PHYHIP: variants seen among roughly 807,000 people sequenced by gnomAD.
PHYHIP encodes phytanoyl-CoA hydroxylase-interacting protein.
A neutral mutation model predicts 26.1 loss-of-function variants in PHYHIP; 7 were observed. The ratio of observed to expected loss-of-function variants is 0.27; its 90% CI spans 0.15 to 0.50. The LOEUF (loss-of-function observed/expected upper bound fraction) is 0.50, where lower values mean the gene tolerates loss of function less well. Ranked by LOEUF, PHYHIP falls within the 20% of genes least tolerant of loss-of-function variation. The pLI, the probability that PHYHIP is intolerant of heterozygous loss-of-function variation, is 0.98. For missense variants in PHYHIP, 232 were observed against 454.7 expected (o/e 0.51, Z 4.45); for synonymous variants, 206 against 183.4 (o/e 1.12, Z -1.00).
At chr8:22,224,010 A>G (rs1259033947) in intron 4 of PHYHIP, 8 of 540,640 alleles carry the variant, frequency 1.5e-5, no homozygotes, top group East Asian at 3.2e-5. Flanking sequence ...ACTCTTGCAG[A>G]AGGCCCTGTC....
chr8:22,226,949 C>T lies in PHYHIP; in HGVS notation c.242G>A (p.Arg81His). 6.2e-7 allele frequency: 1 copy of T among 1,613,992 alleles called. No individual in the cohort carries two copies. The highest frequency in any genetic ancestry group is 8.5e-7 in the Non-Finnish European group (1 of 1,180,006). ...TVRGHWFLSP[R>H]TEYSVAVQTA... ...CTGCACGGCCACACTGTACTCCGTG[C>T]GGGGGCTCAGGAACCAGTGGCCTCT... The change falls in exon 3 of 5, where the codon CGC becomes CAC. Residue 81 changes from arginine to histidine, a missense_variant. Transcript: ENST00000454243.
chr8:22,227,717 G>C (rs1196367758), intron 2 of PHYHIP: 3 of 456,844 alleles, frequency 6.6e-6, no homozygotes, highest in Admixed American at 2.3e-5. Context: ...AGGGGCCCGA[G>C]AGGGAGAACT....
rs1336475775 is a variant in PHYHIP, at chr8:22,220,144, G to T, written c.*1209C>A. 1 of 152,552 alleles carries T rather than the reference G, an allele frequency of 6.6e-6. No individual in the cohort carries two copies. The highest frequency in any genetic ancestry group is 2.4e-5 in the African/African-American group (1 of 41,464). 9.4% of individuals were successfully genotyped at this position (152,552 alleles called of 1,614,324 possible). A position where few individuals can be genotyped will look rare whatever the true frequency, so the allele number is the denominator to read the frequency against. On this transcript the variant is annotated 3_prime_UTR_variant, in exon 5 of 5. Coordinates refer to ENST00000454243, the MANE Select transcript of PHYHIP (RefSeq NM_014759.5). ...TGTCACCTCCATCATCCCCCAAACA[G>T]CCGGCTGCTGCTGTCAGCCCCTCCC...
At chr8:22,229,823 A>G (rs1829831729) in intron 1 of PHYHIP, among the ~76,000 whole-genome samples, 2 of 152,134 alleles carry the variant, frequency 1.3e-5, no homozygotes, top group South Asian at 4.1e-4. Context: ...TCCAGCCCAC[A>G]CCTTCCTGTC....
chr8:22,224,939 ACCCTGGGGCC>A (rs1829712738), intron 3 of PHYHIP, among the ~76,000 whole-genome samples: 1 of 152,092 alleles, frequency 6.6e-6, no homozygotes, highest in South Asian at 2.1e-4. Context: ...GCAACATTGA[ACCCTGGGGCC>A]CCAGCAAGGC....
At chr8:22,228,660 G>A in intron 1 of PHYHIP, 1 of 258,816 alleles carries the variant, frequency 3.9e-6, no homozygotes, top group Non-Finnish European at 7.4e-6. Flanking sequence ...ATGCTGCAAA[G>A]CCGGGCGGGG....
At chr8:22,228,544 A>G in intron 1 of PHYHIP, 158 bp from the exon 2 acceptor site, 1 of 557,012 alleles carries the variant, frequency 1.8e-6, no homozygotes, top group Admixed American at 3.1e-5. Flanking sequence ...GAGGCTGGAG[A>G]AGGATGATGG....
chr8:22,228,284 G>T lies in PHYHIP; in HGVS notation c.74C>A (p.Ala25Asp), dbSNP rs1299983898. The change falls in exon 2 of 5, where the codon GCC (alanine) becomes GAC (aspartate). Residue 25 changes from alanine (A) to aspartate (D), a missense_variant. Transcript: ENST00000454243. ...CCTCTCCAGGTCACTGTCCTCCATGGCCCAGGAGATGCGGAAGGAGTCGCA... is the reference window on the plus strand; with the variant it reads ...CCTCTCCAGGTCACTGTCCTCCATGTCCCAGGAGATGCGGAAGGAGTCGCA... ...ITCDSFRISW[A>D]MEDSDLERVT... The T allele has an allele frequency of 6.2e-7, 1 of 1,612,590 alleles. No homozygotes were observed. The highest frequency in any genetic ancestry group is 8.5e-7 in the Non-Finnish European group (1 of 1,179,364).
chr8:22,227,512 G>C (rs900656699), intron 2 of PHYHIP: 11 of 425,148 alleles, frequency 2.6e-5, no homozygotes, highest in Non-Finnish European at 4.7e-5. Flanking sequence ...GAGAGCGGGT[G>C]AGTAACCCAC....
At chr8:22,224,427 T>C (rs985790206) in intron 3 of PHYHIP, 84 bp from the exon 4 acceptor site, 2 of 787,924 alleles carry the variant, frequency 2.5e-6, no homozygotes, top group Non-Finnish European at 2.2e-6. Context: ...CCCCACACTG[T>C]GTGTGCCGGC....
chr8:22,222,176 G>C (rs1009044037), intron 4 of PHYHIP, among the ~76,000 whole-genome samples: 1 of 152,032 alleles, frequency 6.6e-6, no homozygotes, highest in Non-Finnish European at 1.5e-5. Context: ...GGCGGCTCAT[G>C]ATCTGATCTC....
intron 3 of PHYHIP, among the ~76,000 whole-genome samples, chr8:22,226,636 G>A (rs1829750715): frequency 6.6e-6 from 1 of 152,226 alleles, no homozygotes. Context: ...GATTAGTGGG[G>A]TTCGCATTTG....
At position 22,228,190 on chromosome 8, in the gene PHYHIP, C is replaced by A. The variant is rs747358387; in HGVS notation, c.165+3G>T. The A allele has an allele frequency of 1.2e-6, 2 of 1,613,678 alleles. No individual in the cohort carries two copies. Among genetic ancestry groups the A allele is most frequent in the Admixed American group, 1.7e-5 (1 of 60,006 alleles). On this transcript the variant is annotated splice_donor_region_variant and intron_variant, in intron 2 of 4. Transcript: ENST00000454243. Reference sequence around the variant, plus strand: ...AGGGGCTCCCAGGACACCTTCTACTCACCCGGTGCTTGAACTTGTTGGAAT... The same window carrying A: ...AGGGGCTCCCAGGACACCTTCTACTAACCCGGTGCTTGAACTTGTTGGAAT...
rs1203482735 is a variant in PHYHIP, at chr8:22,219,905, C to G, written c.*1448G>C. ...CTCCTTCTCCACACCTCTCCCCAAG[C>G]CTCCAGGCCTCCTGACTCATCCCAG... On this transcript the variant is annotated 3_prime_UTR_variant, in exon 5 of 5. Coordinates refer to ENST00000454243, the MANE Select transcript of PHYHIP (RefSeq NM_014759.5). 2.6e-5 allele frequency: 4 copies of G among 152,710 alleles called. No homozygotes were observed. The allele number at this position is 152,710 out of a possible 1,614,324, so 9.5% of individuals were successfully genotyped here. A position where few individuals can be genotyped will look rare whatever the true frequency, so the allele number is the denominator to read the frequency against.
At position 22,228,380 on chromosome 8, in the gene PHYHIP, G is replaced by A; in HGVS notation, c.-23C>T. The A allele has an allele frequency of 1.3e-6, 2 of 1,564,474 alleles. No homozygotes were observed. Among genetic ancestry groups the A allele is most frequent in the South Asian group, 1.2e-5 (1 of 85,920 alleles). On this transcript the variant is annotated 5_prime_UTR_variant, in exon 2 of 5. Transcript: ENST00000454243. ...CATGCTCCCGTCAGGGTTGTCTCCT[G>A]TGGGGACTGAGGAGGAGGGAAAGGG...
At chr8:22,228,459 C>T (rs766874689) in intron 1 of PHYHIP, 73 bp from the exon 2 acceptor site, 3 of 835,426 alleles carry the variant, frequency 3.6e-6, no homozygotes, top group Non-Finnish European at 5.7e-6. Context: ...CTCCCAATAT[C>T]CCTTTCGAGG....
Position 22,221,173 on chromosome 8 carries a change from G to T in PHYHIP, c.*180C>A. ...TCCATGTCCACCAGGCTGGGTGTGG[G>T]CCACACTTACCAAGAGGACCACCGT... On this transcript the variant is annotated 3_prime_UTR_variant, in exon 5 of 5. Transcript: ENST00000454243. This position sits in a 1 kb window ranked among gnomAD's most constrained non-coding sequence, Gnocchi z 7.9. 1.7e-6 allele frequency: 1 copy of T among 597,708 alleles called. No individual in the cohort carries two copies. The allele number at this position is 597,708 out of a possible 1,614,324, so 37.0% of individuals were successfully genotyped here.
At chr8:22,231,699 C>T (rs1172871964) in intron 1 of PHYHIP, 97 bp downstream of exon 1, 1 of 152,324 alleles carries the variant, frequency 6.6e-6, no homozygotes, top group Non-Finnish European at 1.5e-5. Flanking sequence ...CCTGGCAGTC[C>T]AGGTGGGCAC....
At chr8:22,228,445 C>T (rs1481353730) in intron 1 of PHYHIP, 59 bp from the exon 2 acceptor site, 1 of 974,710 alleles carries the variant, frequency 1.0e-6, no homozygotes, top group Non-Finnish European at 1.6e-6. Context: ...TCTGGAATGT[C>T]CTCCTCCCAA....
Sources: gnomAD v4.1 joint callset for allele counts (sites outside exome capture counted in the v4.1 genomes callset) on GRCh38, gnomAD v4.1.1 for gene constraint, Gnocchi (gnomAD v3.1) non-coding constraint, MANE v1.5 for transcripts, NCBI Gene and HGNC (gene_info 2026-07-23, HGNC 2026-07-21) for gene names.